The following PCDH15 variants were observed in gnomAD, a reference collection of about 807,000 sequenced individuals.
PCDH15 encodes protocadherin related 15.
In PCDH15, 129 loss-of-function variants were observed where a neutral mutation model predicts 178.5. That is an observed-to-expected ratio of 0.72 (90% CI 0.63 to 0.84). The LOEUF (loss-of-function observed/expected upper bound fraction) is 0.84, where lower values mean the gene tolerates loss of function less well. PCDH15 is among the 40% of genes least tolerant of loss of function. The pLI is 0.00. For synonymous variants in PCDH15, 800 were observed against 732.0 expected (o/e 1.09, Z -1.50); for missense variants, 2,230 against 2,099.9 (o/e 1.06, Z -1.21).
intron 14 of PCDH15, among the ~76,000 whole-genome samples, chr10:54,135,276 A>T (rs2042812869): frequency 6.6e-6 from 1 of 152,128 alleles, no homozygotes; most frequent in Admixed American, 6.5e-5. Context: ...AAATTAAAAT[A>T]TTTTAAACTT....
chr10:55,463,466 C>A (rs1589049790), intron 2 of PCDH15, among the ~76,000 whole-genome samples: 1 of 151,976 alleles, frequency 6.6e-6, no homozygotes, highest in African/African-American at 2.4e-5. Flanking sequence ...GGCAGCAAAG[C>A]AAAACCTTGT....
At chr10:53,939,611 C>A in intron 24 of PCDH15, among the ~76,000 whole-genome samples, 1 of 151,942 alleles carries the variant, frequency 6.6e-6, no homozygotes, top group African/African-American at 2.4e-5. Context: ...CTATATATTT[C>A]TTTGTTTAAT....
intron 2 of PCDH15, among the ~76,000 whole-genome samples, chr10:55,607,165 C>T (rs1355730516): frequency 1.3e-5 from 2 of 150,994 alleles, no homozygotes; most frequent in African/African-American, 4.8e-5. Flanking sequence ...CATCACTGGC[C>T]ATCAGAGAAA....
intron 8 of PCDH15, among the ~76,000 whole-genome samples, chr10:54,290,173 C>T (rs1475549585): frequency 1.3e-5 from 2 of 152,180 alleles, no homozygotes; most frequent in Admixed American, 6.5e-5. Flanking sequence ...CAAAGGGAAG[C>T]CAATCAGACT....
chr10:54,428,203 C>T (rs568184936), intron 3 of PCDH15, among the ~76,000 whole-genome samples: 1 of 152,264 alleles, frequency 6.6e-6, no homozygotes, highest in African/African-American at 2.4e-5. Flanking sequence ...ATGAACTAAC[C>T]TGCCCAAAGC....
At chr10:55,151,880 G>A (rs182477002) in intron 2 of PCDH15, among the ~76,000 whole-genome samples, 1 of 152,056 alleles carries the variant, frequency 6.6e-6, no homozygotes, top group East Asian at 1.9e-4. Context: ...AGAATACCAG[G>A]TGATAAGGAT....
chr10:54,735,506 T>C (rs9804408), intron 1 of PCDH15, among the ~76,000 whole-genome samples: 125,701 of 147,098 alleles, frequency 0.85, 54,454 homozygotes, highest in Non-Finnish European at 0.93. Flanking sequence ...CCCAGCCATC[T>C]CATTACTGGG....
chr10:55,275,386 T>A (rs543973675), intron 1 of PCDH15, among the ~76,000 whole-genome samples: 1 of 152,082 alleles, frequency 6.6e-6, no homozygotes. Flanking sequence ...TTCCCAGATT[T>A]AAGAAATTCT....
At chr10:54,186,290 G>C (rs537839651) in intron 11 of PCDH15, among the ~76,000 whole-genome samples, 3 of 152,074 alleles carry the variant, frequency 2.0e-5, no homozygotes, top group Admixed American at 2.0e-4. Context: ...ACTTCTTTAA[G>C]TCTGATGTCA....
At chr10:54,010,741 C>T (rs192756355) in intron 20 of PCDH15, among the ~76,000 whole-genome samples, 36 of 152,268 alleles carry the variant, frequency 2.4e-4, no homozygotes, top group South Asian at 6.2e-4. Context: ...CTCCAGCACA[C>T]CACAGCCACA....
intron 2 of PCDH15, among the ~76,000 whole-genome samples, chr10:55,515,533 A>C (rs1429789828): frequency 2.0e-5 from 3 of 152,118 alleles, no homozygotes; most frequent in Non-Finnish European, 4.4e-5. Flanking sequence ...TGCTATTTAT[A>C]CTAATAAATA....
intron 2 of PCDH15, among the ~76,000 whole-genome samples, chr10:55,440,660 C>A (rs1358000569): frequency 2.6e-5 from 4 of 152,116 alleles, no homozygotes; most frequent in African/African-American, 9.7e-5. Flanking sequence ...TTGGGTCTTT[C>A]TTTACATAAC....
At chr10:54,136,606 C>A (rs1046971939) in intron 14 of PCDH15, among the ~76,000 whole-genome samples, 1 of 152,006 alleles carries the variant, frequency 6.6e-6, no homozygotes, top group Non-Finnish European at 1.5e-5. Flanking sequence ...TTCTTTATTC[C>A]TTTCCCTTTC....
chr10:55,045,668 T>A (rs1008979528), intron 2 of PCDH15, among the ~76,000 whole-genome samples: 1 of 152,128 alleles, frequency 6.6e-6, no homozygotes, highest in Non-Finnish European at 1.5e-5. Context: ...TTTAATTCTT[T>A]AAGAGAACAA....
intron 2 of PCDH15, among the ~76,000 whole-genome samples, chr10:55,626,342 G>A (rs1003889603): frequency 6.6e-5 from 10 of 152,038 alleles, no homozygotes; most frequent in East Asian, 1.9e-4. Context: ...AGGATATCCC[G>A]AAATCTACAG....
chr10:54,134,473 G>C (rs1179074573), intron 14 of PCDH15, among the ~76,000 whole-genome samples: 1 of 152,052 alleles, frequency 6.6e-6, no homozygotes, highest in Non-Finnish European at 1.5e-5. Flanking sequence ...AGAAATTCAG[G>C]CTGGGCACGG....
chr10:55,409,503 T>C (rs1005351163), intron 2 of PCDH15, among the ~76,000 whole-genome samples: 1 of 152,070 alleles, frequency 6.6e-6, no homozygotes, highest in Non-Finnish European at 1.5e-5. Context: ...TGGGCTTTTT[T>C]GTTTGTTTGT....
intron 26 of PCDH15, among the ~76,000 whole-genome samples, chr10:53,895,829 AATTTTTC>A (rs1589296742): frequency 6.6e-6 from 1 of 152,100 alleles, no homozygotes; most frequent in African/African-American, 2.4e-5. Flanking sequence ...CTTGTCTCCT[AATTTTTC>A]ACAGAAAGTT....
chr10:53,950,509 A>T (rs2086932882), intron 23 of PCDH15, among the ~76,000 whole-genome samples: 1 of 152,220 alleles, frequency 6.6e-6, no homozygotes, highest in Admixed American at 6.5e-5. Context: ...TATTTGGCAA[A>T]TTTTTTGATA....
Sources: gnomAD v4.1 joint callset for allele counts (sites outside exome capture counted in the v4.1 genomes callset) on GRCh38, gnomAD v4.1.1 for gene constraint, MANE v1.5 for transcripts, NCBI Gene and HGNC (gene_info 2026-07-23, HGNC 2026-07-21) for gene names.